CRKL: variants seen among roughly 807,000 people sequenced by gnomAD.
CRKL encodes CRK like proto-oncogene, adaptor protein.
Under a neutral mutation model 23.0 loss-of-function variants are expected in CRKL, and 3 were observed. The ratio of observed to expected loss-of-function variants is 0.13; its 90% CI spans 0.06 to 0.34. CRKL has a LOEUF of 0.34. Among genes scored for constraint, CRKL ranks in the 10% least tolerant of loss-of-function variants. The probability of loss-of-function intolerance (pLI) is 1.00; values close to 1 mark genes in which losing one functional copy is unlikely to be tolerated. For missense variants in CRKL, 256 were observed against 394.5 expected (o/e 0.65, Z 2.97); for synonymous variants, 188 against 160.7 (o/e 1.17, Z -1.28).
rs1257667748 is a variant in CRKL, at chr22:20,951,930, G to A, written c.*2085G>A. On this transcript the variant is annotated 3_prime_UTR_variant, in exon 3 of 3. Transcript: ENST00000354336. ...CCGCCTCCTGCTCTGCACGGTCTGCGGCAGTTGCCGCTTCTGGTTAGGTGT... is the reference window on the plus strand; with the variant it reads ...CCGCCTCCTGCTCTGCACGGTCTGCAGCAGTTGCCGCTTCTGGTTAGGTGT... The A allele has an allele frequency of 3.1e-5, 7 of 222,790 alleles. No individual in the cohort carries two copies. Among genetic ancestry groups the A allele is most frequent in the East Asian group, 1.3e-4 (2 of 15,236 alleles). The allele number at this position is 222,790 out of a possible 1,614,324, so 13.8% of individuals were successfully genotyped here. A position where few individuals can be genotyped will look rare whatever the true frequency, so the allele number is the denominator to read the frequency against.
chr22:20,935,522 C>T (rs201011875), intron 2 of CRKL, among the ~76,000 whole-genome samples: 6 of 143,232 alleles, frequency 4.2e-5, no homozygotes, highest in African/African-American at 7.7e-5. Flanking sequence ...ATTTTCTTTT[C>T]TTTTTTTTTT....
At chr22:20,943,175 A>G (rs955593675) in intron 2 of CRKL, among the ~76,000 whole-genome samples, 1 of 152,180 alleles carries the variant, frequency 6.6e-6, no homozygotes, top group African/African-American at 2.4e-5. Context: ...ATCTTTGGAT[A>G]AATATTTTCA....
intron 1 of CRKL, among the ~76,000 whole-genome samples, chr22:20,930,131 A>G (rs937026974): frequency 3.3e-5 from 5 of 152,120 alleles, no homozygotes; most frequent in African/African-American, 1.2e-4. Context: ...TAGTGGAGGG[A>G]AATAGAAACT....
In CRKL at chr22:20,949,888, C is replaced by G. The variant is rs1922202034; in HGVS notation, c.*43C>G. On this transcript the variant is annotated 3_prime_UTR_variant, in exon 3 of 3. Coordinates refer to ENST00000354336, the MANE Select transcript of CRKL (RefSeq NM_005207.4). Reference sequence around the variant, plus strand: ...CCTGCTGCTTTGTTGTTCTGCCTGTCCTAGTCTCCTTTGAAGTGGGAAAGC... The same window carrying G: ...CCTGCTGCTTTGTTGTTCTGCCTGTGCTAGTCTCCTTTGAAGTGGGAAAGC... The G allele has an allele frequency of 6.4e-7, 1 of 1,574,086 alleles. No homozygotes were observed. The highest frequency in any genetic ancestry group is 2.0e-5 in the Admixed American group (1 of 49,750).
At chr22:20,919,031 T>G (rs1929794497) in intron 1 of CRKL, among the ~76,000 whole-genome samples, 1 of 136,708 alleles carries the variant, frequency 7.3e-6, no homozygotes, top group Non-Finnish European at 1.5e-5. Context: ...GTGCTTGTAC[T>G]CCCTCCAGAT....
intron 1 of CRKL, among the ~76,000 whole-genome samples, chr22:20,921,815 TCTC>T (rs542736316): frequency 8.5e-4 from 129 of 151,868 alleles, no homozygotes; most frequent in African/African-American, 2.9e-3. Flanking sequence ...TTCACACCAT[TCTC>T]CTGCCTCAGC....
In CRKL at chr22:20,929,328, CTAA is replaced by C. The variant is rs1034338535; in HGVS notation, c.312-4449_312-4447del. ...TACAGGCGCCTGCCACCACGCTCAG[CTAA>C]TTTTTTTGTATTTTTAGTAGAGATG... On this transcript the variant is annotated intron_variant, in intron 1 of 2. Coordinates refer to ENST00000354336, the MANE Select transcript of CRKL (RefSeq NM_005207.4). 5.3e-5 allele frequency among the ~76,000 whole-genome samples: 8 copies of C among 151,254 alleles called. No homozygotes were observed. In the East Asian group the frequency reaches 1.6e-3, roughly 29 times the overall value.
rs769813263 is a variant in CRKL, at chr22:20,945,769, A to G, written c.778-3942A>G. Among the ~76,000 whole-genome samples the G allele has an allele frequency of 6.6e-5, 10 of 152,184 alleles. 1 individual carries two copies. The highest frequency in any genetic ancestry group is 1.3e-4 in the Non-Finnish European group (9 of 68,018). On this transcript the variant is annotated intron_variant, in intron 2 of 2. Transcript: ENST00000354336. ...GAACACAGGGGCAGGCAGTGGACCC[A>G]TGCAGCTCCGTGAGGGCCAGGGGTG...
intron 2 of CRKL, among the ~76,000 whole-genome samples, chr22:20,944,103 T>A (rs1921970002): frequency 6.6e-6 from 1 of 151,766 alleles, no homozygotes; most frequent in East Asian, 1.9e-4. Context: ...TGATAGGGAT[T>A]GTGTTGTATT....
rs768655396 is a variant in CRKL, at chr22:20,932,802, C to T, written c.312-977C>T. ...ATATAGAAAGGAAAATAAAGCCAGGCGTGGTGGCTCACACCTGTAATGACA... is the reference window on the plus strand; with the variant it reads ...ATATAGAAAGGAAAATAAAGCCAGGTGTGGTGGCTCACACCTGTAATGACA... On this transcript the variant is annotated intron_variant, in intron 1 of 2. Coordinates refer to ENST00000354336, the MANE Select transcript of CRKL (RefSeq NM_005207.4). 2.6e-5 allele frequency among the ~76,000 whole-genome samples: 4 copies of T among 152,204 alleles called. 1 individual carries two copies. Among genetic ancestry groups the T allele is most frequent in the South Asian group, 4.1e-4 (2 of 4,826 alleles).
At chr22:20,945,170 T>A (rs902115289) in intron 2 of CRKL, among the ~76,000 whole-genome samples, 10 of 151,922 alleles carry the variant, frequency 6.6e-5, no homozygotes, top group Admixed American at 1.3e-4. Context: ...ATTTTTTGTA[T>A]TTTTAGTAGA....
In CRKL at chr22:20,930,170, C is replaced by T. The variant is rs555296590; in HGVS notation, c.312-3609C>T. Among the ~76,000 whole-genome samples the T allele has an allele frequency of 1.3e-3, 191 of 152,216 alleles. 1 individual carries two copies. Among genetic ancestry groups the T allele is most frequent in the Middle Eastern group, 0.01 (3 of 294 alleles). ...TTTATCAAATTTCTACACAGACATA[C>T]CCCTCACCAGGGAAGCAAGGAAGTT... On this transcript the variant is annotated intron_variant, in intron 1 of 2. Transcript: ENST00000354336.
intron 2 of CRKL, among the ~76,000 whole-genome samples, chr22:20,939,727 A>G (rs1921795809): frequency 1.3e-5 from 2 of 149,398 alleles, no homozygotes; most frequent in African/African-American, 2.5e-5. Flanking sequence ...TGAGTTTTGT[A>G]GTTTTGTTGT....
intron 1 of CRKL, among the ~76,000 whole-genome samples, chr22:20,922,301 G>A (rs988378865): frequency 5.9e-5 from 9 of 151,838 alleles, no homozygotes; most frequent in Non-Finnish European, 8.8e-5. Context: ...GATTACAGAT[G>A]TGAGCCACCC....
At chr22:20,927,740 C>T (rs1441954354) in intron 1 of CRKL, among the ~76,000 whole-genome samples, 3 of 141,318 alleles carry the variant, frequency 2.1e-5, no homozygotes, top group East Asian at 2.2e-4. Context: ...CTACTTGGGA[C>T]GCTGAGGCAG....
At chr22:20,932,387 A>C (rs1921488257) in intron 1 of CRKL, among the ~76,000 whole-genome samples, 1 of 151,916 alleles carries the variant, frequency 6.6e-6, no homozygotes, top group Non-Finnish European at 1.5e-5. Flanking sequence ...CTGAGCCACC[A>C]CGCCTGGTGG....
rs769136802 is a variant in CRKL at position 20,918,066 on chromosome 22, C to T, written c.132C>T (p.Cys44=). ...GMFLVRDSST[C]PGDYVLSVSE... The stretch of plus-strand genomic sequence containing the variant: ...TCCTCGTCCGCGATTCTTCCACCTG[C>T]CCTGGGGACTATGTGCTGTCGGTGT... Residue 44 remains cysteine (C), a synonymous_variant, in exon 1 of 3, where the codon TGC becomes TGT. Transcript: ENST00000354336. 1.6e-5 allele frequency: 26 copies of T among 1,614,134 alleles called. No homozygotes were observed. Among genetic ancestry groups the T allele is most frequent in the Non-Finnish European group, 2.2e-5 (26 of 1,180,054 alleles).
At chr22:20,923,360 T>C (rs1204276029) in intron 1 of CRKL, among the ~76,000 whole-genome samples, 2 of 151,398 alleles carry the variant, frequency 1.3e-5, no homozygotes, top group African/African-American at 2.4e-5. Flanking sequence ...CACTGCAAGC[T>C]CCGCCTCCTG....
At chr22:20,935,313 A>G (rs1487451925) in intron 2 of CRKL, among the ~76,000 whole-genome samples, 6 of 151,264 alleles carry the variant, frequency 4.0e-5, no homozygotes, top group African/African-American at 1.5e-4. Context: ...GGGTTTCACC[A>G]TGTTGGCCAG....
Sources: gnomAD v4.1 joint callset for allele counts (sites outside exome capture counted in the v4.1 genomes callset) on GRCh38, gnomAD v4.1.1 for gene constraint, MANE v1.5 for transcripts, NCBI Gene and HGNC (gene_info 2026-07-23, HGNC 2026-07-21) for gene names.